EPC1: variants seen among roughly 807,000 people sequenced by gnomAD.
EPC1 encodes the protein enhancer of polycomb 1, also known as enhancer of polycomb homolog 1.
EPC1 carries 12 observed loss-of-function variants against 98.4 expected under a neutral mutation model. That is an observed-to-expected ratio of 0.12 (90% CI 0.08 to 0.20). EPC1 has a LOEUF of 0.20. Among genes scored for constraint, EPC1 ranks in the 10% least tolerant of loss-of-function variants. EPC1 has a pLI of 1.00. For missense variants in EPC1, 729 were observed against 990.5 expected (o/e 0.74, Z 3.54); for synonymous variants, 357 against 363.9 (o/e 0.98, Z 0.21).
At chr10:32,327,953 G>A (rs542157762) in intron 1 of EPC1, among the ~76,000 whole-genome samples, 1 of 152,260 alleles carries the variant, frequency 6.6e-6, no homozygotes, top group African/African-American at 2.4e-5. Flanking sequence ...ATGGTATGTT[G>A]GTTGTTTTGA....
At chr10:32,318,449 T>C (rs750991548) in intron 1 of EPC1, among the ~76,000 whole-genome samples, 2 of 152,236 alleles carry the variant, frequency 1.3e-5, no homozygotes, top group South Asian at 4.1e-4. Context: ...TGCAATTTCA[T>C]CCAGTATCAT....
exon 1 of EPC1, chr10:32,378,581 A>G (rs1839917752): frequency 3.2e-6 from 3 of 932,530 alleles, no homozygotes; most frequent in Non-Finnish European, 3.3e-6. Flanking sequence ...AACAGCCTCC[A>G]GGCAGCATAT....
chr10:32,349,981 C>T (rs1181501982), upstream of EPC1, among the ~76,000 whole-genome samples: 1 of 152,100 alleles, frequency 6.6e-6, no homozygotes, highest in Non-Finnish European at 1.5e-5. Context: ...TTTAGTTTTC[C>T]CTAGATTCTT....
Position 32,347,151 on chromosome 10 carries a change from T to A in EPC1, c.-236A>T. The A allele has an allele frequency of 7.1e-7, 1 of 1,411,308 alleles. No individual in the cohort carries two copies. Among genetic ancestry groups the A allele is most frequent in the Non-Finnish European group, 9.2e-7 (1 of 1,086,506 alleles). The allele number at this position is 1,411,308 out of a possible 1,614,324, so 87.4% of individuals were successfully genotyped here. On this transcript the variant is annotated 5_prime_UTR_variant, in exon 1 of 14. Coordinates refer to ENST00000319778, the MANE Select transcript of EPC1 (RefSeq NM_001272004.3). ...TGGCCAACATGGCGGACATTAAAAC[T>A]CCACTGTGCGCTCTTCAGCCAACCC...
At chr10:32,290,782 C>CT (rs1456671849) in intron 6 of EPC1, among the ~76,000 whole-genome samples, 62 of 145,216 alleles carry the variant, frequency 4.3e-4, no homozygotes, top group Non-Finnish European at 5.9e-4. Flanking sequence ...CTTTTTTTAT[C>CT]TTTTTTTTTT....
intron 10 of EPC1, among the ~76,000 whole-genome samples, chr10:32,277,915 G>C (rs1836183326): frequency 6.6e-6 from 1 of 152,012 alleles, no homozygotes; most frequent in Admixed American, 6.6e-5. Flanking sequence ...CCATGGTATG[G>C]TACACCAGCA....
chr10:32,355,656 C>G (rs1839253063), intron 1 of EPC1, among the ~76,000 whole-genome samples: 1 of 115,892 alleles, frequency 8.6e-6, no homozygotes, highest in Admixed American at 1.3e-4. Context: ...ACAGAGTTGA[C>G]CAGGCTAGAG....
At chr10:32,330,114 T>C (rs889662235) in intron 1 of EPC1, among the ~76,000 whole-genome samples, 2 of 152,200 alleles carry the variant, frequency 1.3e-5, no homozygotes, top group Admixed American at 6.5e-5. Context: ...GAACTCTTCA[T>C]AGGTTTTTAG....
At position 32,315,357 on chromosome 10, in the gene EPC1, T is replaced by A. The variant is rs548901194; in HGVS notation, c.154-9426A>T. ...CCAATCTAAAAAGAGCTATTCAAGG[T>A]TATATTATGCAGATTCCTAAACAAA... is the stretch of plus-strand genomic sequence containing the variant. On this transcript the variant is annotated intron_variant, in intron 1 of 13. Coordinates refer to ENST00000319778, the MANE Select transcript of EPC1 (RefSeq NM_001272004.3). Among the ~76,000 whole-genome samples the A allele has an allele frequency of 2.0e-5, 3 of 152,296 alleles. No individual in the cohort carries two copies. In the South Asian group the frequency reaches 6.2e-4, roughly 32 times the overall value.
intron 1 of EPC1, chr10:32,377,458 T>A (rs796433490): frequency 6.6e-6 from 1 of 152,208 alleles, no homozygotes; most frequent in Admixed American, 6.5e-5. Context: ...ATCGACAGCT[T>A]ATTACTGAAT....
upstream of EPC1, chr10:32,347,341 G>A: frequency 2.8e-6 from 1 of 359,728 alleles, no homozygotes; most frequent in Non-Finnish European, 4.0e-6. Flanking sequence ...GCCCTTCGCG[G>A]GTCCGGGGGC....
chr10:32,291,835 G>C (rs1461619934), intron 5 of EPC1: 1 of 151,708 alleles, frequency 6.6e-6, no homozygotes, highest in African/African-American at 2.4e-5. Flanking sequence ...TACTTTTTTG[G>C]CTTATAGCTT....
At chr10:32,305,712 G>T in intron 2 of EPC1, 60 bp downstream of exon 2, 2 of 1,396,638 alleles carry the variant, frequency 1.4e-6, no homozygotes, top group Non-Finnish European at 1.9e-6. Context: ...ATAAAAATCT[G>T]TCAAGTTACA....
At chr10:32,354,741 G>A (rs1839221709) in intron 1 of EPC1, among the ~76,000 whole-genome samples, 2 of 152,130 alleles carry the variant, frequency 1.3e-5, no homozygotes, top group East Asian at 3.9e-4. Flanking sequence ...AGGCAAGCCA[G>A]CAAAGCTTCA....
chr10:32,291,090 C>G, intron 6 of EPC1, 73 bp downstream of exon 6: 1 of 1,436,812 alleles, frequency 7.0e-7, no homozygotes, highest in South Asian at 1.2e-5. Context: ...GTGTGTTTTT[C>G]TTTTTAACTT....
intron 1 of EPC1, among the ~76,000 whole-genome samples, chr10:32,320,862 C>T (rs899428960): frequency 1.7e-4 from 26 of 152,198 alleles, no homozygotes; most frequent in Non-Finnish European, 3.4e-4. Context: ...ACTGGGATTA[C>T]AGGCGTGAGC....
At chr10:32,275,504 C>T (rs545218670) in intron 10 of EPC1, among the ~76,000 whole-genome samples, 4 of 151,904 alleles carry the variant, frequency 2.6e-5, no homozygotes, top group East Asian at 1.9e-4. Context: ...CGGTGGCTCA[C>T]GCCTGTAATC....
chr10:32,301,986 T>C (rs1835571388), intron 2 of EPC1, among the ~76,000 whole-genome samples: 1 of 151,716 alleles, frequency 6.6e-6, no homozygotes, highest in Admixed American at 6.6e-5. Context: ...GGTAGAAAAA[T>C]TTCGCGGCTG....
At chr10:32,324,333 A>G (rs1837128431) in intron 1 of EPC1, among the ~76,000 whole-genome samples, 2 of 151,498 alleles carry the variant, frequency 1.3e-5, no homozygotes, top group Non-Finnish European at 2.9e-5. Context: ...AGGCGGGTGG[A>G]TCGCCTGAGG....
Sources: gnomAD v4.1 joint callset for allele counts (sites outside exome capture counted in the v4.1 genomes callset) on GRCh38, gnomAD v4.1.1 for gene constraint, MANE v1.5 for transcripts, NCBI Gene and HGNC (gene_info 2026-07-23, HGNC 2026-07-21) for gene names.